The following DNAH9 variants were observed in gnomAD, a reference collection of about 807,000 sequenced individuals.
DNAH9 encodes the protein dynein axonemal heavy chain 9, also known as DNAH9 variant protein.
In DNAH9, 345 loss-of-function variants were observed where a neutral mutation model predicts 471.6. The ratio of observed to expected loss-of-function variants is 0.73; its 90% CI spans 0.67 to 0.80. The LOEUF (loss-of-function observed/expected upper bound fraction) is 0.80. Among genes scored for constraint, DNAH9 ranks in the 30% least tolerant of loss-of-function variants. The pLI, the probability that DNAH9 is intolerant of heterozygous loss-of-function variation, is 0.00. For synonymous variants in DNAH9, 2,093 were observed against 2,123.6 expected, an observed-to-expected ratio of 0.99 and a Z score of 0.40; for missense variants, 5,407 against 5,609.2, an observed-to-expected ratio of 0.96 and a Z score of 1.15.
At chr17:11,935,971 C>T (rs1974700055) in intron 65 of DNAH9, among the ~76,000 whole-genome samples, 1 of 152,160 alleles carries the variant, frequency 6.6e-6, no homozygotes, top group Admixed American at 6.5e-5. Context: ...GCAACAGCGT[C>T]CCCTAGTGTC....
intron 4 of DNAH9, chr17:11,612,140 G>T (rs1339632093): frequency 5.6e-6 from 3 of 535,542 alleles, no homozygotes; most frequent in Non-Finnish European, 1.0e-5. Flanking sequence ...CTGTCCCTTT[G>T]TGTCTTTCAA....
chr17:11,919,079 T>G (rs1416715010), intron 61 of DNAH9, among the ~76,000 whole-genome samples: 2 of 152,172 alleles, frequency 1.3e-5, no homozygotes, highest in Non-Finnish European at 1.5e-5. Flanking sequence ...GAGGAGGACA[T>G]CTTTTTCATT....
At chr17:11,896,920 G>A (rs574800171) in intron 59 of DNAH9, among the ~76,000 whole-genome samples, 88 of 152,216 alleles carry the variant, frequency 5.8e-4, no homozygotes, top group Admixed American at 2.4e-3. Context: ...GTGAAACCCC[G>A]TCTCAACTAA....
At chr17:11,655,661 C>T (rs1195105614) in intron 14 of DNAH9, among the ~76,000 whole-genome samples, 1 of 150,700 alleles carries the variant, frequency 6.6e-6, no homozygotes, top group African/African-American at 2.4e-5. Flanking sequence ...CACACACACA[C>T]ACCATGGAAT....
At chr17:11,826,190 C>G (rs1267625024) in intron 48 of DNAH9, among the ~76,000 whole-genome samples, 1 of 152,140 alleles carries the variant, frequency 6.6e-6, no homozygotes, top group African/African-American at 2.4e-5. Context: ...CCTGTTTGGC[C>G]TCGTTTGCAT....
intron 1 of DNAH9, among the ~76,000 whole-genome samples, chr17:11,600,960 C>A (rs1450211949): frequency 6.6e-6 from 1 of 152,214 alleles, no homozygotes; most frequent in Non-Finnish European, 1.5e-5. Context: ...CCCAGCAAGC[C>A]ACACATCGCT....
chr17:11,905,292 G>A (rs1205289612), intron 60 of DNAH9, among the ~76,000 whole-genome samples: 1 of 152,096 alleles, frequency 6.6e-6, no homozygotes, highest in Non-Finnish European at 1.5e-5. Context: ...GGGCAAGGCT[G>A]GTAGATAGCA....
At chr17:11,756,104 C>T (rs778839438) in intron 33 of DNAH9, among the ~76,000 whole-genome samples, 5 of 151,936 alleles carry the variant, frequency 3.3e-5, no homozygotes, top group Admixed American at 6.6e-5. Context: ...AGCGAAACCC[C>T]GTCTCTACAA....
intron 43 of DNAH9, among the ~76,000 whole-genome samples, chr17:11,805,548 T>C (rs1186296520): frequency 4.7e-5 from 5 of 106,630 alleles, no homozygotes; most frequent in South Asian, 4.2e-4. Flanking sequence ...TTTTTTTTTT[T>C]TTTTTTTTTT....
intron 50 of DNAH9, among the ~76,000 whole-genome samples, chr17:11,860,258 A>G (rs1971795215): frequency 6.6e-6 from 1 of 152,130 alleles, no homozygotes; most frequent in African/African-American, 2.4e-5. Context: ...TTTCTCTTGC[A>G]TTAGTTCCTT....
chr17:11,879,748 C>T (rs1211018438), intron 53 of DNAH9, among the ~76,000 whole-genome samples: 1 of 151,792 alleles, frequency 6.6e-6, no homozygotes, highest in African/African-American at 2.4e-5. Flanking sequence ...GGTTATAAAA[C>T]AAAACACCAT....
intron 18 of DNAH9, 110 bp from the exon 19 acceptor site, chr17:11,680,613 T>G (rs1324874357): frequency 5.7e-6 from 5 of 883,912 alleles, no homozygotes; most frequent in Non-Finnish European, 8.9e-6. Flanking sequence ...CACCACACCA[T>G]TGTACCATCT....
At chr17:11,698,934 T>C (rs1264012836) in intron 22 of DNAH9, among the ~76,000 whole-genome samples, 1 of 151,986 alleles carries the variant, frequency 6.6e-6, no homozygotes, top group Non-Finnish European at 1.5e-5. Context: ...TGTGTGTTTG[T>C]TGAACTGAAG....
chr17:11,632,562 T>A, intron 7 of DNAH9, 25 bp from the exon 8 acceptor site: 1 of 1,194,348 alleles, frequency 8.4e-7, no homozygotes, highest in Non-Finnish European at 1.2e-6. Context: ...TACGTTTTCC[T>A]TATATATATA....
In DNAH9 at chr17:11,932,342, G is replaced by A. The variant is rs1974546428; in HGVS notation, c.12297+137G>A. 5 of 900,452 alleles carry A rather than the reference G, an allele frequency of 5.6e-6. No individual in the cohort carries two copies. Among genetic ancestry groups the A allele is most frequent in the African/African-American group, 1.7e-5 (1 of 59,506 alleles). 55.8% of individuals were successfully genotyped at this position (900,452 alleles called of 1,614,324 possible). A position where few individuals can be genotyped will look rare whatever the true frequency, so the allele number is the denominator to read the frequency against. Reference sequence around the variant, plus strand: ...TAACAAGCTCCCTCGTGATGCAGATGCTGCTGATTCGGGGACCATAATTTA... The same window carrying A: ...TAACAAGCTCCCTCGTGATGCAGATACTGCTGATTCGGGGACCATAATTTA... On this transcript the variant is annotated intron_variant, in intron 64 of 68. Coordinates refer to ENST00000262442, the MANE Select transcript of DNAH9 (RefSeq NM_001372.4). This position sits in a 1 kb window ranked among gnomAD's most constrained non-coding sequence, Gnocchi z 4.3.
intron 48 of DNAH9, among the ~76,000 whole-genome samples, chr17:11,823,517 TTG>T (rs1970387144): frequency 6.6e-6 from 1 of 152,246 alleles, no homozygotes; most frequent in Admixed American, 6.5e-5. Context: ...TTTGTTTGTT[TTG>T]TCTTACTCTG....
At chr17:11,727,047 CAAAAAAAAAAAAAAA>C (rs55659834) in intron 27 of DNAH9, among the ~76,000 whole-genome samples, 14 of 68,474 alleles carry the variant, frequency 2.0e-4, no homozygotes, top group East Asian at 5.4e-4. Flanking sequence ...GACTCCGTCT[CAAAAAAAAAAAAAAA>C]AAAAAAAAAA....
Position 11,923,953 on chromosome 17 carries a change from T to C in DNAH9, c.11877+12T>C, listed in dbSNP as rs1202840301. 2 of 1,613,026 alleles carry C rather than the reference T, an allele frequency of 1.2e-6. No individual in the cohort carries two copies. Among genetic ancestry groups the C allele is most frequent in the Non-Finnish European group, 1.7e-6 (2 of 1,179,308 alleles). ...GGGTTATTTTGCAGGTATGTTCCTC[T>C]ACCCTTGTCTGGGTTATCTTGACCC... On this transcript the variant is annotated intron_variant, in intron 62 of 68. Transcript: ENST00000262442.
intron 67 of DNAH9, among the ~76,000 whole-genome samples, chr17:11,959,782 C>T (rs1045560235): frequency 4.5e-4 from 68 of 152,264 alleles, no homozygotes; most frequent in African/African-American, 1.5e-3. Context: ...TGGTCATTCA[C>T]CTCAAAACAT....
Sources: allele counts gnomAD v4.1 joint callset (sites outside exome capture counted in the v4.1 genomes callset), GRCh38; gene constraint gnomAD v4.1.1; non-coding constraint Gnocchi (gnomAD v3.1); transcripts MANE v1.5; gene names NCBI Gene and HGNC (gene_info 2026-07-23, HGNC 2026-07-21).